The following GNAI2 variants were observed in gnomAD, a reference collection of about 807,000 sequenced individuals.
GNAI2 encodes the protein guanine nucleotide-binding protein G(i) subunit alpha-2.
In GNAI2, 4 loss-of-function variants were observed where a neutral mutation model predicts 36.8. The ratio of observed to expected loss-of-function variants is 0.11; its 90% CI spans 0.05 to 0.25. GNAI2 has a LOEUF of 0.25. GNAI2 is among the 10% of genes least tolerant of loss of function. The pLI is 1.00. For synonymous variants in GNAI2, 194 were observed against 194.1 expected (o/e 1.00, Z 0.01); for missense variants, 230 against 481.3 (o/e 0.48, Z 4.89).
intron 1 of GNAI2, chr3:50,251,213 C>T (rs587657301): frequency 3.8e-6 from 1 of 262,606 alleles, no homozygotes; most frequent in African/African-American, 2.3e-5. Context: ...TCCCTCCACC[C>T]TCTTGCCCTT....
Position 50,258,880 on chromosome 3 carries a change from A to T in GNAI2, c.*537A>T, listed in dbSNP as rs1553703693. 6 of 439,532 alleles carry T rather than the reference A, an allele frequency of 1.4e-5. No homozygotes were observed. The East Asian group carries it at 3.7e-4, about 27-fold the overall frequency. The allele number at this position is 439,532 out of a possible 1,614,324, so 27.2% of individuals were successfully genotyped here. A position where few individuals can be genotyped will look rare whatever the true frequency, so the allele number is the denominator to read the frequency against. On this transcript the variant is annotated 3_prime_UTR_variant, in exon 9 of 9. Transcript: ENST00000313601. ...CACCTGCTCATTCTCGTAGCTTTTTAAAAAAATGAAAGTAAAGGAAAAAAA... is the reference window on the plus strand; with the variant it reads ...CACCTGCTCATTCTCGTAGCTTTTTTAAAAAATGAAAGTAAAGGAAAAAAA...
At chr3:50,234,233 T>G (rs149118451), upstream of GNAI2, among the ~76,000 whole-genome samples, 4 of 150,810 alleles carry the variant, frequency 2.7e-5, no homozygotes, top group South Asian at 8.3e-4. Flanking sequence ...CGCCGGCTAA[T>G]TTTTTGTATT....
At position 50,236,807 on chromosome 3, in the gene GNAI2, C is replaced by A. The variant is rs1168199749; in HGVS notation, c.118+354C>A. Among the ~76,000 whole-genome samples the A allele has an allele frequency of 2.0e-5, 3 of 152,192 alleles. No homozygotes were observed. Among genetic ancestry groups the A allele is most frequent in the African/African-American group, 7.2e-5 (3 of 41,446 alleles). ...TTTGCCCAAACCCCCAGGATGCCCG[C>A]CACTTGTTCCCCAACCCTCAGGCTC... On this transcript the variant is annotated intron_variant, in intron 1 of 8. Coordinates refer to ENST00000313601, the MANE Select transcript of GNAI2 (RefSeq NM_002070.4). The surrounding 1 kb of genome is among the most constrained non-coding windows in gnomAD (Gnocchi z 4.0).
chr3:50,240,826 C>T (rs994883399), intron 1 of GNAI2, among the ~76,000 whole-genome samples: 1 of 147,062 alleles, frequency 6.8e-6, no homozygotes, highest in Non-Finnish European at 1.5e-5. Context: ...GGCTGAGGCA[C>T]GAGAATCGCT....
chr3:50,231,043 C>T (rs1279645018), intron 1 of GNAI2: 18 of 692,912 alleles, frequency 2.6e-5, no homozygotes, highest in Non-Finnish European at 3.2e-5. Flanking sequence ...GCTAGCCCTT[C>T]CCCAGACCCC....
chr3:50,234,599 G>C (rs988554286), upstream of GNAI2, among the ~76,000 whole-genome samples: 1 of 152,156 alleles, frequency 6.6e-6, no homozygotes, highest in Admixed American at 6.5e-5. Context: ...AGATCTGCCT[G>C]CTTCAGCCTC....
In GNAI2 at chr3:50,236,233, T is replaced by G; in HGVS notation, c.-103T>G. 5.9e-6 allele frequency: 7 copies of G among 1,192,320 alleles called. No homozygotes were observed. Among genetic ancestry groups the G allele is most frequent in the Non-Finnish European group, 7.3e-6 (7 of 962,474 alleles). The allele number at this position is 1,192,320 out of a possible 1,614,324, so 73.9% of individuals were successfully genotyped here. On this transcript the variant is annotated 5_prime_UTR_variant, in exon 1 of 9. Transcript: ENST00000313601. This position sits in a 1 kb window ranked among gnomAD's most constrained non-coding sequence, Gnocchi z 4.0. ...GCTCGGAACTGCCGACCCGAGTGCT[T>G]CCCGCAGAGGGCTGGTGGTGGGAGC...
Position 50,255,846 on chromosome 3 carries a change from G to A in GNAI2, c.465-346G>A, listed in dbSNP as rs2109217614. 6.6e-6 allele frequency among the ~76,000 whole-genome samples: 1 copy of A among 151,970 alleles called. No homozygotes were observed. Among genetic ancestry groups the A allele is most frequent in the African/African-American group, 2.4e-5 (1 of 41,468 alleles). The stretch of plus-strand genomic sequence containing the variant: ...TGGGCGGATCACCTGAGGTTGAGAG[G>A]TCAAGACCATCCTGGCCAACATGGT... On this transcript the variant is annotated intron_variant, in intron 4 of 8. Transcript: ENST00000313601. This position sits in a 1 kb window ranked among gnomAD's most constrained non-coding sequence, Gnocchi z 4.0.
Position 50,252,675 on chromosome 3 carries a change from C to G in GNAI2, c.303+137C>G. The G allele has an allele frequency of 1.4e-6, 1 of 713,620 alleles. No homozygotes were observed. The highest frequency in any genetic ancestry group is 2.7e-5 in the East Asian group (1 of 36,610). The allele number at this position is 713,620 out of a possible 1,614,324, so 44.2% of individuals were successfully genotyped here. A position where few individuals can be genotyped will look rare whatever the true frequency, so the allele number is the denominator to read the frequency against. ...TCACCTGAGGTCAGGACCAGCCTGG[C>G]CAACTTGGTGAAACCGCGTCTCTAC... On this transcript the variant is annotated intron_variant, in intron 3 of 8. Transcript: ENST00000313601. This position sits in a 1 kb window ranked among gnomAD's most constrained non-coding sequence, Gnocchi z 4.1.
intron 1 of GNAI2, chr3:50,231,033 G>T (rs961835322): frequency 1.7e-4 from 146 of 836,964 alleles, no homozygotes; most frequent in Non-Finnish European, 1.9e-4. Context: ...TAATTTTCTC[G>T]CTAGCCCTTC....
rs1346201388 is a variant in GNAI2 at position 50,238,090 on chromosome 3, G to C, written c.118+1637G>C. 6.6e-6 allele frequency: 1 copy of C among 152,254 alleles called. No individual in the cohort carries two copies. Among genetic ancestry groups the C allele is most frequent in the African/African-American group, 2.4e-5 (1 of 41,468 alleles). The allele number at this position is 152,254 out of a possible 1,614,324, so 9.4% of individuals were successfully genotyped here. On this transcript the variant is annotated intron_variant, in intron 1 of 8. Transcript: ENST00000313601. The surrounding 1 kb of genome is among the most constrained non-coding windows in gnomAD (Gnocchi z 5.0). ...CCTCCTGGGCTGCTTTGCGTTGGGC[G>C]CTTGCCTCTTCCTGTCTCTGCTGTG...
Position 50,238,865 on chromosome 3 carries a change from T to C in GNAI2, c.118+2412T>C, listed in dbSNP as rs890975241. On this transcript the variant is annotated intron_variant, in intron 1 of 8. Transcript: ENST00000313601. The surrounding 1 kb of genome is among the most constrained non-coding windows in gnomAD (Gnocchi z 5.0). The stretch of plus-strand genomic sequence containing the variant: ...CTTTGTCCAGGCAACGGGACTCAGG[T>C]TGGGCAACTGCCAGCCTTCCCTCCC... Among the ~76,000 whole-genome samples the C allele has an allele frequency of 1.3e-5, 2 of 152,166 alleles. No homozygotes were observed. The highest frequency in any genetic ancestry group is 3.9e-4 in the East Asian group (2 of 5,192).
Position 50,253,149 on chromosome 3 carries a change from C to T in GNAI2, c.429C>T (p.Arg143=). 1 of 1,612,836 alleles carries T rather than the reference C, an allele frequency of 6.2e-7. No homozygotes were observed. The highest frequency in any genetic ancestry group is 8.5e-7 in the Non-Finnish European group (1 of 1,179,112). Residue 143 remains arginine (R), a synonymous_variant, in exon 4 of 9, where the codon CGC becomes CGT. Transcript: ENST00000313601. This position sits in a 1 kb window ranked among gnomAD's most constrained non-coding sequence, Gnocchi z 4.2. ...ADHGVQACFG[R]SREYQLNDSA... ...ATGGTGTGCAGGCCTGCTTTGGCCGCTCAAGGGAATACCAGCTCAACGACT... is the reference window on the plus strand; with the variant it reads ...ATGGTGTGCAGGCCTGCTTTGGCCGTTCAAGGGAATACCAGCTCAACGACT...
upstream of GNAI2, among the ~76,000 whole-genome samples, chr3:50,227,847 G>A (rs1258858877): frequency 2.0e-5 from 3 of 152,216 alleles, no homozygotes; most frequent in Non-Finnish European, 4.4e-5. This position sits in a 1 kb window ranked among gnomAD's most constrained non-coding sequence, Gnocchi z 5.9. Context: ...TTTTTACCTC[G>A]CAAAATGCCG....
At chr3:50,233,310 T>C (rs1012679509), upstream of GNAI2, among the ~76,000 whole-genome samples, 1 of 152,196 alleles carries the variant, frequency 6.6e-6, no homozygotes. Flanking sequence ...CCTGCCTCCA[T>C]AGATTGGGGT....
chr3:50,235,153 C>T (rs1378336921), upstream of GNAI2: 2 of 151,728 alleles, frequency 1.3e-5, no homozygotes, highest in African/African-American at 4.8e-5. Flanking sequence ...ACCCTCTCAT[C>T]CTCTCTCCCT....
chr3:50,258,987 C>G lies in GNAI2; in HGVS notation c.*644C>G, dbSNP rs1339077538. On this transcript the variant is annotated 3_prime_UTR_variant, in exon 9 of 9. Transcript: ENST00000313601. ...CTGACCAGCAAGCCCCCCCCCAGCC[C>G]CCCTTCCAAGTGACTCCGTGCCTTG... The G allele has an allele frequency of 2.2e-6, 1 of 445,626 alleles. No individual in the cohort carries two copies. Among genetic ancestry groups the G allele is most frequent in the South Asian group, 1.6e-5 (1 of 62,388 alleles). The allele number at this position is 445,626 out of a possible 1,614,324, so 27.6% of individuals were successfully genotyped here.
chr3:50,228,677 G>C (rs956836142), upstream of GNAI2, among the ~76,000 whole-genome samples: 1 of 152,002 alleles, frequency 6.6e-6, no homozygotes, highest in Non-Finnish European at 1.5e-5. Context: ...GGCCCCTGCT[G>C]ACCCCTGCCC....
chr3:50,251,508 T>C, intron 1 of GNAI2: 2 of 1,122,072 alleles, frequency 1.8e-6, no homozygotes, highest in South Asian at 3.7e-5. Context: ...GTCTCCTAGA[T>C]TCTAGCCTTC....
Sources: gnomAD v4.1 joint callset for allele counts (sites outside exome capture counted in the v4.1 genomes callset) on GRCh38, gnomAD v4.1.1 for gene constraint, Gnocchi (gnomAD v3.1) non-coding constraint, MANE v1.5 for transcripts, NCBI Gene and HGNC (gene_info 2026-07-23, HGNC 2026-07-21) for gene names.